CPNE4: variants seen among roughly 807,000 people sequenced by gnomAD.
The protein encoded by CPNE4 is copine-4.
A neutral mutation model predicts 67.9 loss-of-function variants in CPNE4; 25 were observed. The ratio of observed to expected loss-of-function variants is 0.37; its 90% CI spans 0.27 to 0.51. The LOEUF (loss-of-function observed/expected upper bound fraction) is 0.51. Ranked by LOEUF, CPNE4 falls within the 20% of genes least tolerant of loss-of-function variation. The probability of loss-of-function intolerance (pLI) is 0.93; values close to 1 mark genes in which losing one functional copy is unlikely to be tolerated. For synonymous variants in CPNE4, 242 were observed against 244.9 expected, an observed-to-expected ratio of 0.99 and a Z score of 0.11; for missense variants, 464 against 690.8, an observed-to-expected ratio of 0.67 and a Z score of 3.68.
chr3:131,824,388 C>T (rs1207432797), intron 2 of CPNE4, among the ~76,000 whole-genome samples: 6 of 152,106 alleles, frequency 3.9e-5, no homozygotes, highest in Non-Finnish European at 7.4e-5. Context: ...CCCAGCTTAC[C>T]AGGGGACTCG....
At chr3:131,870,577 G>A (rs1268213559) in intron 2 of CPNE4, among the ~76,000 whole-genome samples, 2 of 152,038 alleles carry the variant, frequency 1.3e-5, no homozygotes, top group African/African-American at 4.8e-5. Flanking sequence ...ACACAGCAGG[G>A]CTACACCACT....
intron 2 of CPNE4, among the ~76,000 whole-genome samples, chr3:131,737,296 G>A (rs1471303424): frequency 1.3e-5 from 2 of 151,468 alleles, no homozygotes. Flanking sequence ...GCTAATTTTT[G>A]TATTTTTAGT....
intron 1 of CPNE4, among the ~76,000 whole-genome samples, chr3:131,947,828 G>T (rs542825489): frequency 6.6e-6 from 1 of 152,222 alleles, no homozygotes; most frequent in South Asian, 2.1e-4. Context: ...TTCCACAATG[G>T]TTGAACTAAT....
At chr3:131,872,324 C>G (rs151041004) in intron 2 of CPNE4, among the ~76,000 whole-genome samples, 49 of 151,988 alleles carry the variant, frequency 3.2e-4, no homozygotes, top group Non-Finnish European at 6.6e-4. Flanking sequence ...AGCTAGAGAC[C>G]CAGGAGAGCC....
intron 2 of CPNE4, among the ~76,000 whole-genome samples, chr3:131,852,141 T>C (rs187785988): frequency 6.6e-6 from 1 of 152,218 alleles, no homozygotes; most frequent in Non-Finnish European, 1.5e-5. Flanking sequence ...TAAAATATTT[T>C]CTATGTACTT....
chr3:131,875,262 G>A (rs529882748), intron 2 of CPNE4, among the ~76,000 whole-genome samples: 3 of 152,286 alleles, frequency 2.0e-5, no homozygotes, highest in South Asian at 2.1e-4. Context: ...GTGGAAGTCA[G>A]TGTGGCGATT....
chr3:132,026,496 T>C (rs1490249630), intron 1 of CPNE4, among the ~76,000 whole-genome samples: 1 of 152,202 alleles, frequency 6.6e-6, no homozygotes, highest in Non-Finnish European at 1.5e-5. Context: ...TGGTCTGAAT[T>C]GGAATAGGGA....
chr3:131,890,123 G>A (rs1254421373), intron 2 of CPNE4, among the ~76,000 whole-genome samples: 1 of 151,948 alleles, frequency 6.6e-6, no homozygotes, highest in Non-Finnish European at 1.5e-5. Flanking sequence ...GCGCGACACA[G>A]AAAACAGTTA....
intron 2 of CPNE4, among the ~76,000 whole-genome samples, chr3:131,820,228 G>A (rs897055022): frequency 2.0e-5 from 3 of 152,208 alleles, no homozygotes; most frequent in Admixed American, 2.0e-4. Flanking sequence ...ACATCTGTGG[G>A]AGGAAAGGGA....
At chr3:131,928,371 T>C (rs1351564817) in intron 1 of CPNE4, among the ~76,000 whole-genome samples, 1 of 152,178 alleles carries the variant, frequency 6.6e-6, no homozygotes, top group Admixed American at 6.6e-5. Flanking sequence ...GCTTTGTAAT[T>C]CCTGCTTTAA....
chr3:131,630,224 T>C (rs142589338), intron 7 of CPNE4, among the ~76,000 whole-genome samples: 4 of 152,354 alleles, frequency 2.6e-5, no homozygotes, highest in African/African-American at 9.6e-5. Context: ...GCCATCTTGA[T>C]GATCAGATCT....
At chr3:131,790,609 G>C (rs978156157) in intron 2 of CPNE4, among the ~76,000 whole-genome samples, 1 of 152,038 alleles carries the variant, frequency 6.6e-6, no homozygotes, top group Non-Finnish European at 1.5e-5. Flanking sequence ...GTGAATTCCT[G>C]CTTGTCTTCT....
rs564630651 is a variant in CPNE4, at chr3:131,623,877, T to C, written c.682-36295A>G. ...TTTCCAATGTTCTAAATCTGCTTGTTGGGCCTATTTATTCATTCAATCGGT... is the reference window on the plus strand; with the variant it reads ...TTTCCAATGTTCTAAATCTGCTTGTCGGGCCTATTTATTCATTCAATCGGT... On this transcript the variant is annotated intron_variant, in intron 7 of 15. Transcript: ENST00000429747. Among the ~76,000 whole-genome samples the C allele has an allele frequency of 3.9e-5, 6 of 152,346 alleles. No individual in the cohort carries two copies. The East Asian group carries it at 7.7e-4, about 20-fold the overall frequency.
At chr3:132,023,994 C>T (rs1026760367) in intron 1 of CPNE4, among the ~76,000 whole-genome samples, 39 of 152,000 alleles carry the variant, frequency 2.6e-4, no homozygotes, top group African/African-American at 8.7e-4. Flanking sequence ...CAGTTCTTAA[C>T]GGGTAAACTG....
At chr3:131,651,578 G>A (rs1465562280) in intron 7 of CPNE4, among the ~76,000 whole-genome samples, 1 of 152,194 alleles carries the variant, frequency 6.6e-6, no homozygotes, top group African/African-American at 2.4e-5. Context: ...TTAGGAGAAA[G>A]GACTTTAGAG....
intron 7 of CPNE4, among the ~76,000 whole-genome samples, chr3:131,651,477 A>T (rs2079815256): frequency 6.6e-6 from 1 of 152,194 alleles, no homozygotes; most frequent in Non-Finnish European, 1.5e-5. Flanking sequence ...GATCAATTGA[A>T]CCTGTTTCCT....
intron 2 of CPNE4, among the ~76,000 whole-genome samples, chr3:131,880,324 C>T (rs2087625283): frequency 6.6e-6 from 1 of 152,006 alleles, no homozygotes; most frequent in African/African-American, 2.4e-5. Context: ...ACCATGTTAG[C>T]CAGGATGATC....
intron 2 of CPNE4, among the ~76,000 whole-genome samples, chr3:131,784,029 A>T (rs2083491009): frequency 6.6e-6 from 1 of 152,122 alleles, no homozygotes; most frequent in South Asian, 2.1e-4. Flanking sequence ...TTGCTCAGCA[A>T]ATATACAATA....
chr3:131,862,323 T>C lies in CPNE4; in HGVS notation c.180+42941A>G, dbSNP rs574105579. Among the ~76,000 whole-genome samples the C allele has an allele frequency of 1.2e-4, 18 of 152,270 alleles. No individual in the cohort carries two copies. In the South Asian group the frequency reaches 3.1e-3, roughly 26 times the overall value. ...TCCACCTTCTTCCTCGCCATGCATA[T>C]AAGCGAGACTCCTAGATTTGATAAT... On this transcript the variant is annotated intron_variant, in intron 2 of 15. Coordinates refer to ENST00000429747, the MANE Select transcript of CPNE4 (RefSeq NM_130808.3).
Sources: gnomAD v4.1 joint callset for allele counts (sites outside exome capture counted in the v4.1 genomes callset) on GRCh38, gnomAD v4.1.1 for gene constraint, MANE v1.5 for transcripts, NCBI Gene and HGNC (gene_info 2026-07-23, HGNC 2026-07-21) for gene names.